Variants in CNTNAP2 observed in about 807,000 individuals in gnomAD.
The protein encoded by CNTNAP2 is contactin associated protein 2, also known as contactin-associated protein-like 2.
Under a neutral mutation model 155.2 loss-of-function variants are expected in CNTNAP2, and 98 were observed. The observed-to-expected ratio is 0.63, with a 90% confidence interval of 0.54 to 0.75. The LOEUF is 0.75. CNTNAP2 is among the 30% of genes least tolerant of loss of function. CNTNAP2 has a pLI of 0.00. For missense variants in CNTNAP2, 1,727 were observed against 1,688.1 expected (o/e 1.02, Z -0.40); for synonymous variants, 651 against 631.2 (o/e 1.03, Z -0.47).
chr7:146,677,704 G>A (rs1009225482), intron 1 of CNTNAP2, among the ~76,000 whole-genome samples: 3 of 142,238 alleles, frequency 2.1e-5, no homozygotes, highest in South Asian at 4.5e-4. Flanking sequence ...TTTTTTTTTA[G>A]GAGAAAGAGG....
chr7:147,853,174 G>C (rs1359979566), intron 13 of CNTNAP2, among the ~76,000 whole-genome samples: 1 of 152,194 alleles, frequency 6.6e-6, no homozygotes, highest in Non-Finnish European at 1.5e-5. Flanking sequence ...ATCCAAGACT[G>C]ACAGTCTCCA....
At chr7:148,227,072 A>G (rs1044082432) in intron 19 of CNTNAP2, among the ~76,000 whole-genome samples, 1 of 152,152 alleles carries the variant, frequency 6.6e-6, no homozygotes, top group African/African-American at 2.4e-5. Context: ...ACAAAAGAGA[A>G]TATGCTTCAG....
chr7:146,424,895 A>G (rs1796066461), intron 1 of CNTNAP2, among the ~76,000 whole-genome samples: 2 of 152,216 alleles, frequency 1.3e-5, no homozygotes, highest in Non-Finnish European at 2.9e-5. Context: ...AACACTGTCA[A>G]TAAACAAGTG....
intron 3 of CNTNAP2, among the ~76,000 whole-genome samples, chr7:146,954,669 T>C (rs182183597): frequency 5.9e-4 from 90 of 152,068 alleles, no homozygotes; most frequent in African/African-American, 2.0e-3. Flanking sequence ...AGTTCTTTAA[T>C]TGATCAATAT....
At chr7:146,461,566 A>T (rs1386156879) in intron 1 of CNTNAP2, among the ~76,000 whole-genome samples, 1 of 152,242 alleles carries the variant, frequency 6.6e-6, no homozygotes, top group Non-Finnish European at 1.5e-5. Flanking sequence ...CTCACAGAAA[A>T]ATTATCTAAG....
intron 1 of CNTNAP2, among the ~76,000 whole-genome samples, chr7:146,376,591 G>GT (rs1301908394): frequency 2.6e-5 from 4 of 151,960 alleles, no homozygotes; most frequent in Non-Finnish European, 5.9e-5. Flanking sequence ...TATTGTTATT[G>GT]TTTTTTCCAG....
chr7:146,780,039 G>T (rs1802455732), intron 2 of CNTNAP2, among the ~76,000 whole-genome samples: 1 of 152,150 alleles, frequency 6.6e-6, no homozygotes, highest in Admixed American at 6.6e-5. Flanking sequence ...ACCCAGTAAT[G>T]GGATTGCTGG....
At chr7:148,362,277 C>G (rs1483956647) in intron 21 of CNTNAP2, among the ~76,000 whole-genome samples, 2 of 152,104 alleles carry the variant, frequency 1.3e-5, no homozygotes, top group Non-Finnish European at 2.9e-5. Context: ...GGAAACCACC[C>G]CCATGATTCA....
At chr7:147,863,959 T>C (rs137997420) in intron 13 of CNTNAP2, among the ~76,000 whole-genome samples, 1,671 of 152,316 alleles carry the variant, frequency 0.011, 91 homozygotes, top group Admixed American at 0.089. Context: ...ATTTTGGCTT[T>C]TGTTGCCATT....
At chr7:146,937,212 C>T (rs1039512334) in intron 3 of CNTNAP2, among the ~76,000 whole-genome samples, 1 of 151,648 alleles carries the variant, frequency 6.6e-6, no homozygotes, top group Non-Finnish European at 1.5e-5. Context: ...ACAGTGAAAC[C>T]CCGTCTCTAC....
Position 147,639,226 on chromosome 7 carries a change from G to A in CNTNAP2, c.2018G>A (p.Ser673Asn). ...LVYSASMDQI[S>N]AITDSAEYCE... ...TACAGCGCCTCCATGGACCAGATAA[G>A]TGCCATCACTGACAGTGCCGAGTAC... Residue 673 changes from serine (S) to asparagine (N), a missense_variant, in exon 13 of 24, where the codon AGT (serine) becomes AAT (asparagine). By Grantham distance (46) the Ser-to-Asn change is conservative (BLOSUM62 1). Coordinates refer to ENST00000361727, the MANE Select transcript of CNTNAP2 (RefSeq NM_014141.6). 1 of 1,614,116 alleles carries A rather than the reference G, an allele frequency of 6.2e-7. No homozygotes were observed.
intron 10 of CNTNAP2, among the ~76,000 whole-genome samples, chr7:147,460,610 G>A (rs2116586633): frequency 6.6e-6 from 1 of 151,114 alleles, no homozygotes; most frequent in African/African-American, 2.5e-5. Context: ...AATGCACCTA[G>A]GTCAGATTTG....
At chr7:147,905,622 C>G (rs1585021084) in intron 14 of CNTNAP2, among the ~76,000 whole-genome samples, 1 of 152,294 alleles carries the variant, frequency 6.6e-6, no homozygotes, top group East Asian at 1.9e-4. Flanking sequence ...GTGGCTCACG[C>G]CTATAATCCC....
chr7:147,525,869 C>G (rs1799309401), intron 11 of CNTNAP2, among the ~76,000 whole-genome samples: 1 of 152,044 alleles, frequency 6.6e-6, no homozygotes, highest in Non-Finnish European at 1.5e-5. Context: ...GTTTCAGGAT[C>G]TCAAGGAGCC....
intron 13 of CNTNAP2, among the ~76,000 whole-genome samples, chr7:147,842,147 A>G (rs1321950181): frequency 1.3e-5 from 2 of 152,252 alleles, no homozygotes; most frequent in South Asian, 2.1e-4. Context: ...CACAAAAACT[A>G]GATACATGAT....
chr7:146,617,801 G>C (rs1241913257), intron 1 of CNTNAP2, among the ~76,000 whole-genome samples: 1 of 152,042 alleles, frequency 6.6e-6, no homozygotes, highest in East Asian at 1.9e-4. Context: ...AGTCTGAAAC[G>C]TAAAATTTCT....
intron 3 of CNTNAP2, among the ~76,000 whole-genome samples, chr7:146,847,486 G>C (rs28539554): frequency 0.037 from 5,655 of 152,220 alleles, 349 homozygotes; most frequent in African/African-American, 0.13. Flanking sequence ...TACCTCAATG[G>C]AGGTTGTAGG....
At chr7:147,592,289 A>G (rs7781428) in intron 12 of CNTNAP2, among the ~76,000 whole-genome samples, 59,178 of 151,972 alleles carry the variant, frequency 0.39, 11,536 homozygotes, top group Admixed American at 0.43. Flanking sequence ...TAAAGCTAAT[A>G]TTCTAATGGT....
At chr7:146,862,599 G>A (rs996073098) in intron 3 of CNTNAP2, among the ~76,000 whole-genome samples, 1 of 152,174 alleles carries the variant, frequency 6.6e-6, no homozygotes, top group African/African-American at 2.4e-5. Context: ...TACCCTGGGG[G>A]AAAGGCATAA....
Sources: allele counts gnomAD v4.1 joint callset (sites outside exome capture counted in the v4.1 genomes callset), GRCh38; gene constraint gnomAD v4.1.1; transcripts MANE v1.5; gene names NCBI Gene and HGNC (gene_info 2026-07-23, HGNC 2026-07-21).